The following PLA2G10 variants were observed in gnomAD, a reference collection of about 807,000 sequenced individuals.
The protein encoded by PLA2G10 is phospholipase A2 group X.
A neutral mutation model predicts 7.9 loss-of-function variants in PLA2G10; 9 were observed. The ratio of observed to expected loss-of-function variants is 1.14; its 90% CI spans 0.68 to 1.98. The LOEUF (loss-of-function observed/expected upper bound fraction) is 1.98. Ranked by LOEUF, PLA2G10 falls within the 30% of genes most tolerant of loss-of-function variation. The pLI, the probability that PLA2G10 is intolerant of heterozygous loss-of-function variation, is 0.00. For missense variants in PLA2G10, 53 were observed against 65.4 expected (o/e 0.81, Z 0.66); for synonymous variants, 19 against 27.5 (o/e 0.69, Z 0.97).
At chr16:14,684,991 A>G (rs992610365) in intron 3 of PLA2G10, among the ~76,000 whole-genome samples, 2 of 152,212 alleles carry the variant, frequency 1.3e-5, no homozygotes, top group Non-Finnish European at 2.9e-5. Context: ...CCATCATTGA[A>G]TGAATGGATA....
chr16:14,684,914 T>A (rs1961009281), intron 3 of PLA2G10, among the ~76,000 whole-genome samples: 2 of 152,152 alleles, frequency 1.3e-5, no homozygotes, highest in African/African-American at 4.8e-5. Flanking sequence ...CTCAAATAAG[T>A]ATTTGTTCAT....
chr16:14,677,093 C>A (rs1472823810), intron 3 of PLA2G10, among the ~76,000 whole-genome samples: 2 of 151,994 alleles, frequency 1.3e-5, no homozygotes, highest in Admixed American at 1.3e-4. Context: ...CCACTTGTAC[C>A]CCTAAGGCTA....
chr16:14,680,482 C>G (rs1960860580), intron 3 of PLA2G10, among the ~76,000 whole-genome samples: 1 of 152,116 alleles, frequency 6.6e-6, no homozygotes, highest in Non-Finnish European at 1.5e-5. Context: ...CCTGGACCTC[C>G]TGAGCTCAAG....
intron 3 of PLA2G10, among the ~76,000 whole-genome samples, chr16:14,681,858 A>C (rs192607248): frequency 3.8e-4 from 57 of 151,782 alleles, no homozygotes; most frequent in Admixed American, 2.0e-3. Context: ...AGGAGCAAGC[A>C]GAATAGGCAA....
intron 3 of PLA2G10, among the ~76,000 whole-genome samples, chr16:14,683,654 C>T (rs149773803): frequency 1.5e-3 from 226 of 152,136 alleles, no homozygotes; most frequent in African/African-American, 5.0e-3. Flanking sequence ...TACCTCACTC[C>T]GTAGACAAAA....
chr16:14,679,759 G>A (rs188508462), intron 3 of PLA2G10, among the ~76,000 whole-genome samples: 107 of 152,118 alleles, frequency 7.0e-4, no homozygotes, highest in Middle Eastern at 3.4e-3. Flanking sequence ...GCTGAGGCAG[G>A]AGAATCCCTT....
intron 3 of PLA2G10, among the ~76,000 whole-genome samples, chr16:14,685,151 CA>C (rs1224961272): frequency 3.3e-5 from 5 of 152,052 alleles, no homozygotes; most frequent in Non-Finnish European, 1.5e-5. Context: ...GCAGGCAGAT[CA>C]CTTGAGGTCA....
intron 3 of PLA2G10, among the ~76,000 whole-genome samples, chr16:14,678,347 T>C (rs1960783471): frequency 6.6e-6 from 1 of 152,148 alleles, no homozygotes; most frequent in African/African-American, 2.4e-5. Context: ...TTCCACCATC[T>C]TCACTGCCAC....
intron 3 of PLA2G10, among the ~76,000 whole-genome samples, chr16:14,673,476 A>G (rs1960646262): frequency 6.6e-6 from 1 of 152,034 alleles, no homozygotes; most frequent in Non-Finnish European, 1.5e-5. Flanking sequence ...GACTCAAGCC[A>G]TTCTCCCACC....
intron 3 of PLA2G10, among the ~76,000 whole-genome samples, chr16:14,674,221 G>A (rs1396929327): frequency 3.3e-5 from 5 of 151,880 alleles, no homozygotes; most frequent in East Asian, 1.9e-4. Flanking sequence ...AAACACTGCC[G>A]AAAGAAATCA....
intron 3 of PLA2G10, among the ~76,000 whole-genome samples, chr16:14,677,586 C>G (rs1370980709): frequency 1.3e-5 from 2 of 152,134 alleles, no homozygotes; most frequent in Non-Finnish European, 2.9e-5. Context: ...AGGATGCTCT[C>G]AATCTCTTGA....
At chr16:14,682,995 G>A (rs1960934830) in intron 3 of PLA2G10, among the ~76,000 whole-genome samples, 1 of 152,216 alleles carries the variant, frequency 6.6e-6, no homozygotes, top group African/African-American at 2.4e-5. Flanking sequence ...CTTCAACCCA[G>A]GAGGCAGAGT....
chr16:14,688,113 G>T, intron 3 of PLA2G10, 52 bp downstream of exon 3: 1 of 530,364 alleles, frequency 1.9e-6, no homozygotes, highest in South Asian at 2.0e-5. Context: ...GGCTATGCCA[G>T]GATGCCCAGG....
intron 3 of PLA2G10, among the ~76,000 whole-genome samples, chr16:14,684,229 T>G (rs1324812528): frequency 6.9e-6 from 1 of 144,270 alleles, no homozygotes; most frequent in African/African-American, 2.6e-5. Flanking sequence ...GGCGTGGTGG[T>G]GCATGCCTGA....
chr16:14,679,880 G>A lies in PLA2G10; in HGVS notation c.356-7131C>T, dbSNP rs150350571. ...GAAACCCAACTCTCTTTAAGCATTC[G>A]CTCCCCGTTCCCACTCTTCTGCATT... On this transcript the variant is annotated intron_variant, in intron 3 of 3. Transcript: ENST00000438167. 4.0e-5 allele frequency among the ~76,000 whole-genome samples: 6 copies of A among 151,808 alleles called. No individual in the cohort carries two copies. The East Asian group carries it at 7.8e-4, about 20-fold the overall frequency.
intron 3 of PLA2G10, among the ~76,000 whole-genome samples, chr16:14,674,529 C>T (rs546512555): frequency 6.6e-6 from 1 of 152,102 alleles, no homozygotes; most frequent in East Asian, 1.9e-4. Flanking sequence ...GGTAAAACCC[C>T]ATTTCTACTA....
intron 3 of PLA2G10, among the ~76,000 whole-genome samples, chr16:14,684,664 T>C (rs1961001590): frequency 6.6e-6 from 1 of 151,832 alleles, no homozygotes; most frequent in Non-Finnish European, 1.5e-5. Flanking sequence ...AGACTTTGTC[T>C]CAAAAAAATT....
chr16:14,687,428 C>T, intron 3 of PLA2G10, among the ~76,000 whole-genome samples: 1 of 150,450 alleles, frequency 6.6e-6, no homozygotes, highest in East Asian at 2.0e-4. Context: ...TCCTGGGCTT[C>T]AAGCGATCCT....
chr16:14,679,698 A>C (rs943206760), intron 3 of PLA2G10, among the ~76,000 whole-genome samples: 2 of 151,662 alleles, frequency 1.3e-5, no homozygotes, highest in African/African-American at 4.8e-5. Context: ...TAATAATACA[A>C]AAATTAGCTC....
Sources: allele counts gnomAD v4.1 joint callset (sites outside exome capture counted in the v4.1 genomes callset), GRCh38; gene constraint gnomAD v4.1.1; transcripts MANE v1.5; gene names NCBI Gene and HGNC (gene_info 2026-07-23, HGNC 2026-07-21).